RELN: variants seen among roughly 807,000 people sequenced by gnomAD.
The protein encoded by RELN is reelin.
A neutral mutation model predicts 427.6 loss-of-function variants in RELN; 108 were observed. That is an observed-to-expected ratio of 0.25 (90% CI 0.22 to 0.30). The LOEUF (loss-of-function observed/expected upper bound fraction) is 0.30, where lower values mean the gene tolerates loss of function less well. RELN is among the 10% of genes least tolerant of loss of function. RELN has a pLI of 1.00. For synonymous variants in RELN, 1,524 were observed against 1,513.4 expected, an observed-to-expected ratio of 1.01 and a Z score of -0.16; for missense variants, 3,715 against 4,302.8, an observed-to-expected ratio of 0.86 and a Z score of 3.82.
In RELN at chr7:103,553,543, A is replaced by G; in HGVS notation, c.5990T>C (p.Val1997Ala). 1 of 1,614,076 alleles carries G rather than the reference A, an allele frequency of 6.2e-7. No individual in the cohort carries two copies. ...CTCACCAACTTCATTTGAAACAAAC[A>G]CCATAGCTGAATCTTCTTCACTGTT... ...KGAPEEDSAM[V>A]FVSNEVGEHS... The change falls in exon 40 of 65, where the codon GTG (valine) becomes GCG (alanine). Residue 1997 changes from valine (V) to alanine (A), a missense_variant. Physicochemically the swap from Val to Ala is moderately conservative, Grantham distance 64. This residue lies in a region of RELN where 1,310 missense variants were observed against 1,643.0 expected (regional missense o/e 0.80). Transcript: ENST00000428762.
At chr7:103,927,243 C>A (rs188529443) in intron 1 of RELN, among the ~76,000 whole-genome samples, 6 of 152,256 alleles carry the variant, frequency 3.9e-5, no homozygotes, top group Admixed American at 3.9e-4. Flanking sequence ...CCACTCGATA[C>A]TGAGAACATA....
At chr7:103,671,072 C>T (rs3808021) in intron 11 of RELN, among the ~76,000 whole-genome samples, 31,588 of 151,908 alleles carry the variant, frequency 0.21, 3,398 homozygotes, top group Middle Eastern at 0.35. Flanking sequence ...GGGATGGATG[C>T]TCTGCTCTTT....
At chr7:103,524,952 C>G (rs1009336609) in intron 46 of RELN, among the ~76,000 whole-genome samples, 5 of 152,266 alleles carry the variant, frequency 3.3e-5, no homozygotes, top group Middle Eastern at 6.8e-3. Context: ...CTCCTTGGCC[C>G]ACAAGGTCCT....
At chr7:103,775,086 A>C (rs559364680) in intron 4 of RELN, among the ~76,000 whole-genome samples, 2 of 152,306 alleles carry the variant, frequency 1.3e-5, no homozygotes, top group East Asian at 3.9e-4. Flanking sequence ...ATTAGTTTTT[A>C]GACAATGGTA....
At chr7:103,721,651 T>G (rs493189) in intron 8 of RELN, among the ~76,000 whole-genome samples, 1 of 152,058 alleles carries the variant, frequency 6.6e-6, no homozygotes, top group East Asian at 1.9e-4. Flanking sequence ...CACCCTTGAA[T>G]AAAGTACAAA....
intron 2 of RELN, among the ~76,000 whole-genome samples, chr7:103,838,494 C>G (rs1027444769): frequency 6.6e-6 from 1 of 152,110 alleles, no homozygotes; most frequent in African/African-American, 2.4e-5. Flanking sequence ...CAAAAATCAT[C>G]AAGCCAGAGA....
At chr7:103,617,512 G>T (rs530401689) in intron 20 of RELN, among the ~76,000 whole-genome samples, 1 of 150,618 alleles carries the variant, frequency 6.6e-6, no homozygotes, top group South Asian at 2.1e-4. Flanking sequence ...ATATATATGT[G>T]TGTGTGTATA....
intron 2 of RELN, among the ~76,000 whole-genome samples, chr7:103,870,802 G>GTTC (rs1490143977): frequency 6.6e-6 from 1 of 152,076 alleles, no homozygotes; most frequent in African/African-American, 2.4e-5. Context: ...GTGTGCAGCT[G>GTTC]AGCCCTGAAT....
chr7:103,639,506 T>C (rs1832654182), intron 17 of RELN, among the ~76,000 whole-genome samples: 1 of 151,690 alleles, frequency 6.6e-6, no homozygotes, highest in Admixed American at 6.6e-5. Flanking sequence ...TTCAGGTGAT[T>C]CTCCTGCCTC....
At chr7:103,872,026 A>AT (rs201501048) in intron 2 of RELN, among the ~76,000 whole-genome samples, 109 of 88,132 alleles carry the variant, frequency 1.2e-3, no homozygotes, top group African/African-American at 4.0e-3. Context: ...ATATATATAT[A>AT]TATATTTTTC....
intron 21 of RELN, 60 bp downstream of exon 21, chr7:103,611,549 TTG>T: frequency 7.5e-7 from 1 of 1,337,004 alleles, no homozygotes; most frequent in Non-Finnish European, 1.0e-6. Context: ...TTTTTTTTTT[TTG>T]GCTTCCTAGG....
chr7:103,656,754 C>G (rs555267328), intron 12 of RELN, among the ~76,000 whole-genome samples: 4 of 151,948 alleles, frequency 2.6e-5, no homozygotes, highest in African/African-American at 9.7e-5. Context: ...GAGCCAGACT[C>G]CTTCAGTATT....
intron 20 of RELN, among the ~76,000 whole-genome samples, chr7:103,624,073 T>C (rs905806459): frequency 2.6e-4 from 39 of 152,322 alleles, no homozygotes; most frequent in Admixed American, 3.3e-4. Flanking sequence ...CTAAATGAAC[T>C]GTATTTAACT....
intron 34 of RELN, among the ~76,000 whole-genome samples, chr7:103,564,056 G>C (rs891083071): frequency 1.3e-5 from 2 of 152,164 alleles, no homozygotes; most frequent in Non-Finnish European, 1.5e-5. Flanking sequence ...AACACATTTG[G>C]ATCCTGGCAT....
chr7:103,502,461 A>G (rs570920407), intron 52 of RELN, among the ~76,000 whole-genome samples: 183 of 152,374 alleles, frequency 1.2e-3, no homozygotes, highest in African/African-American at 4.3e-3. Context: ...AAATTAATAT[A>G]TCCACAGACT....
intron 11 of RELN, among the ~76,000 whole-genome samples, chr7:103,664,701 A>C (rs6961793): frequency 0.62 from 94,702 of 151,940 alleles, 29,772 homozygotes; most frequent in South Asian, 0.68. Context: ...TTTTATCTCA[A>C]CTTTGCATTT....
chr7:103,904,372 G>A (rs1338774825), intron 2 of RELN, among the ~76,000 whole-genome samples: 1 of 152,166 alleles, frequency 6.6e-6, no homozygotes, highest in African/African-American at 2.4e-5. Context: ...TACATATCCA[G>A]TAATGGGATT....
intron 2 of RELN, among the ~76,000 whole-genome samples, chr7:103,883,607 G>A (rs1004371196): frequency 2.0e-5 from 3 of 152,146 alleles, no homozygotes; most frequent in Admixed American, 2.0e-4. Context: ...AAATCAATGT[G>A]CAAAAGTCAC....
Position 103,715,598 on chromosome 7 carries a change from G to A in RELN, c.805+7542C>T, listed in dbSNP as rs935063371. The stretch of plus-strand genomic sequence containing the variant: ...CATGGCAGATGGACAATGACCACAG[G>A]ATATAAAATGAACAGCTGTCCTCCT... On this transcript the variant is annotated intron_variant, in intron 8 of 64. Coordinates refer to ENST00000428762, the MANE Select transcript of RELN (RefSeq NM_005045.4). Among the ~76,000 whole-genome samples the A allele has an allele frequency of 9.2e-5, 14 of 152,122 alleles. No individual in the cohort carries two copies. In the East Asian group the frequency reaches 2.7e-3, roughly 29 times the overall value.
Sources: allele counts gnomAD v4.1 joint callset (sites outside exome capture counted in the v4.1 genomes callset), GRCh38; gene constraint gnomAD v4.1.1; regional missense constraint gnomAD v4.1.1; transcripts MANE v1.5; gene names NCBI Gene and HGNC (gene_info 2026-07-23, HGNC 2026-07-21).